The following NTM variants were observed in gnomAD, a reference collection of about 807,000 sequenced individuals.
The protein encoded by NTM is neurotrimin.
In NTM, 13 loss-of-function variants were observed where a neutral mutation model predicts 42.1. The observed-to-expected ratio is 0.31, with a 90% CI of 0.20 to 0.49. NTM has a LOEUF of 0.49. NTM is among the 20% of genes least tolerant of loss of function. The pLI is 0.99. For synonymous variants in NTM, 187 were observed against 179.2 expected, an observed-to-expected ratio of 1.04 and a Z score of -0.35; for missense variants, 373 against 452.8, an observed-to-expected ratio of 0.82 and a Z score of 1.60.
intron 1 of NTM, among the ~76,000 whole-genome samples, chr11:131,590,969 T>G (rs2059311312): frequency 6.6e-6 from 1 of 152,108 alleles, no homozygotes; most frequent in Non-Finnish European, 1.5e-5. Flanking sequence ...GAGACAGGAC[T>G]GCACTCCCAG....
In NTM at chr11:132,258,138, C is replaced by T. The variant is rs886439552; in HGVS notation, c.526+45991C>T. 2.6e-5 allele frequency among the ~76,000 whole-genome samples: 4 copies of T among 152,336 alleles called. 1 individual carries two copies. The South Asian group carries it at 8.3e-4, about 32-fold the overall frequency. On this transcript the variant is annotated intron_variant, in intron 4 of 8. Transcript: ENST00000683400. Reference sequence around the variant, plus strand: ...AGCCATGCGGCATCTCTAATTAGAACCCAGGCTGGAACATTCAGCTTAATG... The same window carrying T: ...AGCCATGCGGCATCTCTAATTAGAATCCAGGCTGGAACATTCAGCTTAATG...
At chr11:131,390,633 A>G (rs577717957) in intron 1 of NTM, among the ~76,000 whole-genome samples, 7 of 152,174 alleles carry the variant, frequency 4.6e-5, no homozygotes, top group Non-Finnish European at 1.0e-4. Flanking sequence ...GAAAGAAGAA[A>G]GTGGTGCAGG....
At chr11:132,055,833 CCA>C (rs1312216006) in intron 2 of NTM, among the ~76,000 whole-genome samples, 3 of 152,272 alleles carry the variant, frequency 2.0e-5, no homozygotes, top group East Asian at 1.9e-4. Flanking sequence ...GCTTCTGTCT[CCA>C]CACAGTTCTC....
chr11:132,177,072 C>T (rs2076938683), intron 3 of NTM, among the ~76,000 whole-genome samples: 2 of 152,162 alleles, frequency 1.3e-5, no homozygotes. Flanking sequence ...GTTACTCAAA[C>T]TTCTCCTTGA....
chr11:131,598,201 A>C (rs10894417), intron 1 of NTM, among the ~76,000 whole-genome samples: 121,934 of 152,118 alleles, frequency 0.8, 48,972 homozygotes, highest in African/African-American at 0.85. Flanking sequence ...TTCCCCCTGA[A>C]AATCACTTTT....
At chr11:131,874,516 TAA>T (rs1434259647) in intron 1 of NTM, among the ~76,000 whole-genome samples, 3 of 152,218 alleles carry the variant, frequency 2.0e-5, no homozygotes, top group African/African-American at 7.2e-5. Context: ...TTCAATTGAC[TAA>T]GTTTCTTAAT....
intron 2 of NTM, among the ~76,000 whole-genome samples, chr11:132,124,606 T>C (rs1167850683): frequency 1.3e-5 from 2 of 152,370 alleles, no homozygotes; most frequent in African/African-American, 2.4e-5. Flanking sequence ...ATATTTTTTG[T>C]GTACGTGTGT....
At chr11:132,257,854 C>T (rs1380590611) in intron 4 of NTM, among the ~76,000 whole-genome samples, 3 of 152,164 alleles carry the variant, frequency 2.0e-5, no homozygotes, top group Non-Finnish European at 2.9e-5. Flanking sequence ...CCCTGCTCCC[C>T]GTGAGACACA....
chr11:131,480,399 GCATTTT>G (rs1018303057), intron 1 of NTM, among the ~76,000 whole-genome samples: 2 of 152,140 alleles, frequency 1.3e-5, no homozygotes, highest in African/African-American at 4.8e-5. Flanking sequence ...TTGATACTAG[GCATTTT>G]CACCAAATGA....
At chr11:131,822,123 C>G (rs966959066) in intron 1 of NTM, among the ~76,000 whole-genome samples, 1 of 148,394 alleles carries the variant, frequency 6.7e-6, no homozygotes, top group Non-Finnish European at 1.5e-5. Context: ...AGTGACAGTA[C>G]TGCTATGTTG....
At chr11:131,865,742 GCA>G (rs1450529403) in intron 1 of NTM, among the ~76,000 whole-genome samples, 6 of 140,832 alleles carry the variant, frequency 4.3e-5, no homozygotes, top group Admixed American at 1.4e-4. Flanking sequence ...CTCACACGTT[GCA>G]CACACACAAG....
intron 4 of NTM, among the ~76,000 whole-genome samples, chr11:132,280,264 G>A (rs1339186990): frequency 6.6e-6 from 1 of 152,062 alleles, no homozygotes; most frequent in Non-Finnish European, 1.5e-5. Flanking sequence ...AAAGTTCCTT[G>A]GATTTATCTT....
chr11:131,401,808 A>ATATATATATATATATATATATGTG lies in NTM; in HGVS notation c.82+30941_82+30942insGTGTATATATATATATATATATAT, dbSNP rs1945178340. The stretch of plus-strand genomic sequence containing the variant: ...GAGTCAGGCCACTGGAAATATATAT[A>ATATATATATATATATATATATGTG]TATATATATATATATATATATATAT... On this transcript the variant is annotated intron_variant, in intron 1 of 8. Transcript: ENST00000683400. 4.0e-3 allele frequency among the ~76,000 whole-genome samples: 38 copies of ATATATATATATATATATATATGTG among 9,602 alleles called. 4 individuals are homozygous for ATATATATATATATATATATATGTG. The highest frequency in any genetic ancestry group is 5.3e-3 in the African/African-American group (10 of 1,900). The allele number at this position is 9,602 out of a possible 152,430, so 6.3% of individuals were successfully genotyped here.
intron 3 of NTM, among the ~76,000 whole-genome samples, chr11:132,187,680 G>C (rs1450174632): frequency 6.6e-6 from 1 of 152,164 alleles, no homozygotes. Flanking sequence ...GGAGAGATTT[G>C]AGGCATCTCT....
At chr11:131,411,489 C>A (rs1946400849) in intron 1 of NTM, among the ~76,000 whole-genome samples, 2 of 151,088 alleles carry the variant, frequency 1.3e-5, no homozygotes, top group African/African-American at 4.9e-5. Flanking sequence ...TTTCACCAGA[C>A]AAGACTAAGG....
chr11:131,949,261 T>G (rs985957387), intron 2 of NTM, among the ~76,000 whole-genome samples: 3 of 152,254 alleles, frequency 2.0e-5, no homozygotes, highest in Admixed American at 6.5e-5. Flanking sequence ...GATTGACATT[T>G]AGGTTGTTTA....
chr11:131,897,194 C>T lies in NTM; in HGVS notation c.83-14370C>T, dbSNP rs539677426. On this transcript the variant is annotated intron_variant, in intron 1 of 8. Transcript: ENST00000683400. ...CACAATCCAAGGAGTGTGCCCTGCCCCTGTTAAGAAGCACTGACTAATGCA... is the reference window on the plus strand; with the variant it reads ...CACAATCCAAGGAGTGTGCCCTGCCTCTGTTAAGAAGCACTGACTAATGCA... The T allele has an allele frequency of 7.9e-5, 12 of 152,162 alleles. No homozygotes were observed. In the South Asian group the frequency reaches 2.5e-3, roughly 32 times the overall value. The allele number at this position is 152,162 out of a possible 1,614,324, so 9.4% of individuals were successfully genotyped here.
intron 1 of NTM, among the ~76,000 whole-genome samples, chr11:131,649,123 C>T (rs1032616747): frequency 1.3e-5 from 2 of 152,178 alleles, no homozygotes; most frequent in Non-Finnish European, 2.9e-5. Context: ...ATCACTGGCA[C>T]TCAAGCCATA....
intron 6 of NTM, chr11:132,312,523 G>A (rs114214187): frequency 4.3e-4 from 67 of 154,612 alleles, no homozygotes; most frequent in African/African-American, 1.4e-3. Flanking sequence ...ATGTGTGCCC[G>A]CACAGAGAAG....
Sources: allele counts gnomAD v4.1 joint callset (sites outside exome capture counted in the v4.1 genomes callset), GRCh38; gene constraint gnomAD v4.1.1; transcripts MANE v1.5; gene names NCBI Gene and HGNC (gene_info 2026-07-23, HGNC 2026-07-21).